The following SH3GL2 variants were observed in gnomAD, a reference collection of about 807,000 sequenced individuals.
The protein encoded by SH3GL2 is endophilin-A1.
In SH3GL2, 24 loss-of-function variants were observed where a neutral mutation model predicts 46.0. The observed-to-expected ratio is 0.52, with a 90% CI of 0.38 to 0.73. The LOEUF (loss-of-function observed/expected upper bound fraction) is 0.73, where lower values mean the gene tolerates loss of function less well. Ranked by LOEUF, SH3GL2 falls within the 30% of genes least tolerant of loss-of-function variation. The pLI is 0.00. For missense variants in SH3GL2, 413 were observed against 424.2 expected (o/e 0.97, Z 0.23); for synonymous variants, 196 against 147.1 (o/e 1.33, Z -2.40).
intron 1 of SH3GL2, among the ~76,000 whole-genome samples, chr9:17,714,405 GCTTT>G (rs1821702058): frequency 6.6e-6 from 1 of 151,572 alleles, no homozygotes; most frequent in East Asian, 1.9e-4. Context: ...CTTGTTATTT[GCTTT>G]CTATTTGTTT....
intron 1 of SH3GL2, chr9:17,589,143 C>A (rs901486240): frequency 6.6e-6 from 1 of 152,138 alleles, no homozygotes; most frequent in Non-Finnish European, 1.5e-5. Flanking sequence ...GTCTAGTTTG[C>A]TGAATAAGTC....
At chr9:17,735,498 G>T (rs1479653701) in intron 1 of SH3GL2, among the ~76,000 whole-genome samples, 1 of 151,912 alleles carries the variant, frequency 6.6e-6, no homozygotes, top group Admixed American at 6.6e-5. Context: ...GAACTGTGGG[G>T]TCCACTTATA....
At chr9:17,677,849 A>G (rs1820653057) in intron 1 of SH3GL2, among the ~76,000 whole-genome samples, 1 of 150,258 alleles carries the variant, frequency 6.7e-6, no homozygotes, top group South Asian at 2.1e-4. Context: ...CTCATTGTTC[A>G]ATTCCCACCT....
At chr9:17,634,487 T>C (rs1285852534) in intron 1 of SH3GL2, among the ~76,000 whole-genome samples, 1 of 152,178 alleles carries the variant, frequency 6.6e-6, no homozygotes, top group Non-Finnish European at 1.5e-5. Context: ...CTCTGAAATA[T>C]ATGCCTCTTT....
intron 1 of SH3GL2, among the ~76,000 whole-genome samples, chr9:17,743,893 T>C (rs1366412127): frequency 6.6e-6 from 1 of 152,224 alleles, no homozygotes; most frequent in Non-Finnish European, 1.5e-5. Context: ...GGATTCTCTA[T>C]TAATGAAAGC....
At chr9:17,774,220 A>G (rs930163061) in intron 3 of SH3GL2, among the ~76,000 whole-genome samples, 6 of 152,166 alleles carry the variant, frequency 3.9e-5, no homozygotes, top group Admixed American at 2.0e-4. Context: ...AGATTTCTAT[A>G]TGTAAGATCA....
intron 1 of SH3GL2, chr9:17,591,281 G>C (rs1818477481): frequency 2.0e-5 from 3 of 152,040 alleles, no homozygotes; most frequent in South Asian, 4.1e-4. Context: ...CTGATATTTT[G>C]TGATATGTAC....
At chr9:17,604,065 A>G (rs147323288) in intron 1 of SH3GL2, among the ~76,000 whole-genome samples, 1 of 152,300 alleles carries the variant, frequency 6.6e-6, no homozygotes, top group East Asian at 1.9e-4. Context: ...CCCTGGTCCT[A>G]CGCTTGTTAC....
chr9:17,764,294 C>T (rs1290252647), intron 3 of SH3GL2, among the ~76,000 whole-genome samples: 1 of 152,194 alleles, frequency 6.6e-6, no homozygotes, highest in East Asian at 1.9e-4. Flanking sequence ...TTGTTTACAA[C>T]AGGTACAATT....
intron 1 of SH3GL2, among the ~76,000 whole-genome samples, chr9:17,657,159 T>C (rs1563800550): frequency 6.6e-6 from 1 of 152,216 alleles, no homozygotes; most frequent in Non-Finnish European, 1.5e-5. Flanking sequence ...TCAGTTTAAC[T>C]TTTTTTGTGC....
intron 1 of SH3GL2, among the ~76,000 whole-genome samples, chr9:17,693,728 G>T (rs1235944034): frequency 1.3e-5 from 2 of 152,158 alleles, no homozygotes; most frequent in Admixed American, 6.6e-5. Context: ...AAGAACTCCA[G>T]TTCTCTGCTG....
chr9:17,599,710 C>G (rs1267113175), intron 1 of SH3GL2, among the ~76,000 whole-genome samples: 3 of 152,130 alleles, frequency 2.0e-5, no homozygotes, highest in African/African-American at 7.2e-5. Flanking sequence ...GCATTTGTAG[C>G]ATGAACCCAT....
At chr9:17,587,184 A>G (rs1186496489) in intron 1 of SH3GL2, among the ~76,000 whole-genome samples, 3 of 152,198 alleles carry the variant, frequency 2.0e-5, no homozygotes, top group Non-Finnish European at 4.4e-5. Flanking sequence ...CCTGGGCGAC[A>G]GAGCGAGACT....
At chr9:17,744,437 C>G (rs573104154) in intron 1 of SH3GL2, among the ~76,000 whole-genome samples, 3 of 152,078 alleles carry the variant, frequency 2.0e-5, no homozygotes, top group African/African-American at 7.2e-5. Context: ...ACGATCACGG[C>G]TCACTGTGGC....
At chr9:17,738,493 C>CATATACATACAT (rs1822408435) in intron 1 of SH3GL2, among the ~76,000 whole-genome samples, 1 of 91,930 alleles carries the variant, frequency 1.1e-5, no homozygotes, top group African/African-American at 3.3e-5. Context: ...TACACACACA[C>CATATACATACAT]ATATACATAC....
chr9:17,585,771 G>A (rs1818364464), intron 1 of SH3GL2, among the ~76,000 whole-genome samples: 1 of 152,138 alleles, frequency 6.6e-6, no homozygotes, highest in Non-Finnish European at 1.5e-5. Flanking sequence ...TTGTGGTAGG[G>A]GCCAACCTTA....
intron 1 of SH3GL2, among the ~76,000 whole-genome samples, chr9:17,667,146 T>C (rs906167169): frequency 1.3e-5 from 2 of 152,186 alleles, no homozygotes; most frequent in African/African-American, 4.8e-5. Context: ...TATTGGCTTT[T>C]TAACTGTGAT....
At chr9:17,691,169 C>T (rs912975024) in intron 1 of SH3GL2, among the ~76,000 whole-genome samples, 1 of 152,128 alleles carries the variant, frequency 6.6e-6, no homozygotes, top group Admixed American at 6.6e-5. Context: ...GTGTTTCTCA[C>T]TTGCCAAGGG....
chr9:17,774,265 A>G (rs982623243), intron 3 of SH3GL2, among the ~76,000 whole-genome samples: 1 of 152,144 alleles, frequency 6.6e-6, no homozygotes, highest in Non-Finnish European at 1.5e-5. Context: ...ACTTGTTTAC[A>G]TCCAATTTGG....
Sources: allele counts gnomAD v4.1 joint callset (sites outside exome capture counted in the v4.1 genomes callset), GRCh38; gene constraint gnomAD v4.1.1; transcripts MANE v1.5; gene names NCBI Gene and HGNC (gene_info 2026-07-23, HGNC 2026-07-21).